Variants in NDRG1 observed in about 807,000 individuals in gnomAD.
The protein encoded by NDRG1 is N-myc downstream regulated 1.
In NDRG1, 32 loss-of-function variants were observed where a neutral mutation model predicts 56.9. The ratio of observed to expected loss-of-function variants is 0.56; its 90% CI spans 0.42 to 0.76. The LOEUF (loss-of-function observed/expected upper bound fraction) is 0.76, where lower values mean the gene tolerates loss of function less well. NDRG1 is among the 30% of genes least tolerant of loss of function. The pLI is 0.00. For missense variants in NDRG1, 507 were observed against 545.7 expected (o/e 0.93, Z 0.71); for synonymous variants, 211 against 204.1 (o/e 1.03, Z -0.29).
intron 3 of NDRG1, among the ~76,000 whole-genome samples, chr8:133,273,077 C>T (rs1020057529): frequency 7.9e-5 from 12 of 152,212 alleles, no homozygotes; most frequent in African/African-American, 2.4e-4. Flanking sequence ...GAGCCCTGCC[C>T]GGCCCTGGTG....
At position 133,259,035 on chromosome 8, in the gene NDRG1, G is replaced by C. The variant is rs750223277; in HGVS notation, c.389+133C>G. On this transcript the variant is annotated intron_variant, in intron 6 of 15. Coordinates refer to ENST00000323851, the MANE Select transcript of NDRG1 (RefSeq NM_006096.4). ...AAGAACAGTGTTCACAGAGTGACGA[G>C]CTAATTTCTTGCCTCATCTCTAAAT... 1.4e-4 allele frequency: 125 copies of C among 873,520 alleles called. 1 individual carries two copies. Among genetic ancestry groups the C allele is most frequent in the Non-Finnish European group, 2.3e-4 (119 of 510,756 alleles). The allele number at this position is 873,520 out of a possible 1,614,324, so 54.1% of individuals were successfully genotyped here. A position where few individuals can be genotyped will look rare whatever the true frequency, so the allele number is the denominator to read the frequency against.
Position 133,262,136 on chromosome 8 carries a change from G to GTAGT in NDRG1, c.233_236dup (p.Tyr79Ter). 2 of 1,614,156 alleles carry GTAGT rather than the reference G, an allele frequency of 1.2e-6. No homozygotes were observed. Among genetic ancestry groups the GTAGT allele is most frequent in the Non-Finnish European group, 1.7e-6 (2 of 1,180,040 alleles). On this transcript the variant is annotated stop_gained and frameshift_variant, in exon 5 of 16. Coordinates refer to ENST00000323851, the MANE Select transcript of NDRG1 (RefSeq NM_006096.4). LOFTEE classifies it high-confidence loss of function. ...GCTGGGTGATCTCCTGCATGTCCTC[G>GTAGT]TAGTTGAAGAGGGGGTTGTAGCAGG...
rs1586500977 is a variant in NDRG1 at position 133,289,992 on chromosome 8, G to A, written c.-18-5663C>T. Among the ~76,000 whole-genome samples, 3 of 152,322 alleles carry A rather than the reference G, an allele frequency of 2.0e-5. No homozygotes were observed. In the East Asian group the frequency reaches 5.8e-4, roughly 29 times the overall value. On this transcript the variant is annotated intron_variant, in intron 1 of 15. Transcript: ENST00000323851. ...TACAGGCAAATGGAAACCCAGGCAG[G>A]AAGGTGCTTCACCAAGACAAAAGGG...
In NDRG1 at chr8:133,241,735, G is replaced by A. The variant is rs141514002; in HGVS notation, c.943+288C>T. On this transcript the variant is annotated intron_variant, in intron 15 of 15. Transcript: ENST00000323851. ...TTAAAAATGTTATTGTTTCACTGTT[G>A]GTCATTGTCTTGGTGCTTAAAGGGA... is the stretch of plus-strand genomic sequence containing the variant. 1.6e-3 allele frequency: 869 copies of A among 533,328 alleles called. 18 individuals are homozygous for A. In the Admixed American group the frequency reaches 0.026, roughly 16 times the overall value. The allele number at this position is 533,328 out of a possible 1,614,324, so 33.0% of individuals were successfully genotyped here.
intron 8 of NDRG1, chr8:133,255,560 T>G (rs2130715950): frequency 3.0e-6 from 1 of 331,554 alleles, no homozygotes; most frequent in East Asian, 8.3e-5. Flanking sequence ...CCCAGCGGGT[T>G]GACTGGAATG....
intron 8 of NDRG1, chr8:133,254,871 A>G: frequency 2.1e-6 from 1 of 474,420 alleles, no homozygotes; most frequent in Non-Finnish European, 3.9e-6. Flanking sequence ...ATAAAGACCC[A>G]GCTACTGCTA....
At position 133,251,320 on chromosome 8, in the gene NDRG1, GGTCAAAGAAAGCCGGT is replaced by G. The variant is rs1337636260; in HGVS notation, c.595-793_595-778del. Among the ~76,000 whole-genome samples the G allele has an allele frequency of 2.6e-5, 4 of 152,196 alleles. No individual in the cohort carries two copies. The East Asian group carries it at 7.7e-4, about 29-fold the overall frequency. Reference sequence around the variant, plus strand: ...AACCAGATGAGAAGTTGGAGTTGGGGGTCAAAGAAAGCCGGTGTCAAGCTTGAGCTGCATCAAACAG... The same window carrying G: ...AACCAGATGAGAAGTTGGAGTTGGGGGTCAAGCTTGAGCTGCATCAAACAG... On this transcript the variant is annotated intron_variant, in intron 9 of 15. Transcript: ENST00000323851.
At chr8:133,285,027 G>C in intron 1 of NDRG1, 1 of 362,572 alleles carries the variant, frequency 2.8e-6, no homozygotes, top group Non-Finnish European at 5.5e-6. Context: ...GCAGGGGATG[G>C]ACCAGAGGGG....
intron 15 of NDRG1, chr8:133,240,573 T>A (rs1855321903): frequency 6.6e-6 from 1 of 152,200 alleles, no homozygotes; most frequent in Non-Finnish European, 1.5e-5. Flanking sequence ...AAAGGGTTCA[T>A]CAAGCCAGCA....
chr8:133,250,357 C>T (rs773009550), intron 10 of NDRG1, 83 bp downstream of exon 10: 26 of 1,228,934 alleles, frequency 2.1e-5, no homozygotes, highest in Non-Finnish European at 2.8e-5. Context: ...ATTTTATACT[C>T]TCCCTCTCAT....
At position 133,280,273 on chromosome 8, in the gene NDRG1, A is replaced by C; in HGVS notation, c.64-6T>G. 1 of 1,613,690 alleles carries C rather than the reference A, an allele frequency of 6.2e-7. No individual in the cohort carries two copies. Among genetic ancestry groups the C allele is most frequent in the Non-Finnish European group, 8.5e-7 (1 of 1,179,760 alleles). On this transcript the variant is annotated splice_polypyrimidine_tract_variant and splice_region_variant and intron_variant, in intron 2 of 15. Transcript: ENST00000323851. The stretch of plus-strand genomic sequence containing the variant: ...TGCAGGAGGCCGGTGATGGTCTGTG[A>C]AAAGACAAAAAAAATTGTCAATTTC...
In NDRG1 at chr8:133,238,829, G is replaced by A; in HGVS notation, c.*49C>T. 1 of 1,528,650 alleles carries A rather than the reference G, an allele frequency of 6.5e-7. No homozygotes were observed. The highest frequency in any genetic ancestry group is 8.8e-7 in the Non-Finnish European group (1 of 1,141,138). The allele number at this position is 1,528,650 out of a possible 1,614,324, so 94.7% of individuals were successfully genotyped here. ...GGGGCGAAAAGGGGCCGGGGAGGAG[G>A]GGGCCACTACAGAGATCAGAGTCCG... On this transcript the variant is annotated 3_prime_UTR_variant, in exon 16 of 16. Coordinates refer to ENST00000323851, the MANE Select transcript of NDRG1 (RefSeq NM_006096.4).
chr8:133,267,957 T>C (rs1271740771), intron 3 of NDRG1, among the ~76,000 whole-genome samples: 1 of 152,034 alleles, frequency 6.6e-6, no homozygotes, highest in Non-Finnish European at 1.5e-5. Context: ...CCAGCTGGCA[T>C]CAAGAATGTC....
In NDRG1 at chr8:133,280,274, A is replaced by G; in HGVS notation, c.64-7T>C. The stretch of plus-strand genomic sequence containing the variant: ...GCAGGAGGCCGGTGATGGTCTGTGA[A>G]AAGACAAAAAAAATTGTCAATTTCA... On this transcript the variant is annotated splice_polypyrimidine_tract_variant and splice_region_variant and intron_variant, in intron 2 of 15. Coordinates refer to ENST00000323851, the MANE Select transcript of NDRG1 (RefSeq NM_006096.4). 1 of 1,613,958 alleles carries G rather than the reference A, an allele frequency of 6.2e-7. No homozygotes were observed. Among genetic ancestry groups the G allele is most frequent in the Non-Finnish European group, 8.5e-7 (1 of 1,179,834 alleles).
chr8:133,258,531 G>C, intron 6 of NDRG1, 105 bp from the exon 7 acceptor site: 9 of 1,094,302 alleles, frequency 8.2e-6, no homozygotes, highest in Non-Finnish European at 5.5e-6. Flanking sequence ...TAGGCAATGC[G>C]GGAGCATGCT....
intron 10 of NDRG1, among the ~76,000 whole-genome samples, chr8:133,250,104 T>A (rs1855929275): frequency 6.6e-6 from 1 of 152,228 alleles, no homozygotes. Flanking sequence ...GCTCTCTCAC[T>A]TAGCTCTTCT....
chr8:133,291,936 T>C (rs1299143765), intron 1 of NDRG1, among the ~76,000 whole-genome samples: 1 of 152,022 alleles, frequency 6.6e-6, no homozygotes, highest in African/African-American at 2.4e-5. Context: ...AGCAAGAGTG[T>C]CCCAAACACA....
chr8:133,272,987 G>A (rs1034517976), intron 3 of NDRG1, among the ~76,000 whole-genome samples: 11 of 152,172 alleles, frequency 7.2e-5, no homozygotes, highest in African/African-American at 2.2e-4. Context: ...CCCCCCCACC[G>A]AATGGGATTG....
intron 9 of NDRG1, 91 bp from the exon 10 acceptor site, chr8:133,250,634 A>G (rs1212293785): frequency 1.7e-5 from 19 of 1,118,800 alleles, no homozygotes; most frequent in Non-Finnish European, 2.6e-5. Context: ...ATTTGGAGAC[A>G]AAGTAAAGAT....
Sources: allele counts gnomAD v4.1 joint callset (sites outside exome capture counted in the v4.1 genomes callset), GRCh38; gene constraint gnomAD v4.1.1; transcripts MANE v1.5; gene names NCBI Gene and HGNC (gene_info 2026-07-23, HGNC 2026-07-21).